The following PRIM2 variants were observed in gnomAD, a reference collection of about 807,000 sequenced individuals.
PRIM2 encodes the protein DNA primase subunit 2, also known as DNA primase large subunit.
In PRIM2, 39 loss-of-function variants were observed where a neutral mutation model predicts 67.3. The observed-to-expected ratio is 0.58, with a 90% CI of 0.45 to 0.76. The LOEUF is 0.76. Among genes scored for constraint, PRIM2 ranks in the 30% least tolerant of loss-of-function variants. The probability of loss-of-function intolerance (pLI) is 0.00; values close to 1 mark genes in which losing one functional copy is unlikely to be tolerated. For synonymous variants in PRIM2, 143 were observed against 198.7 expected, an observed-to-expected ratio of 0.72 and a Z score of 2.36; for missense variants, 398 against 598.7, an observed-to-expected ratio of 0.66 and a Z score of 3.50.
intron 10 of PRIM2, among the ~76,000 whole-genome samples, chr6:57,551,865 G>T (rs1480340935): frequency 9.9e-5 from 15 of 152,152 alleles, no homozygotes; most frequent in African/African-American, 3.6e-4. Context: ...ACAAAAACAT[G>T]ATGTTTTGCC....
chr6:57,304,119 T>G, the PRIM2 span, among the ~76,000 whole-genome samples: 1 of 152,178 alleles, frequency 6.6e-6, no homozygotes. Flanking sequence ...CCAATCCCAT[T>G]GGGGTCACAT....
chr6:57,444,181 A>G (rs1772290939), intron 7 of PRIM2, among the ~76,000 whole-genome samples: 1 of 152,136 alleles, frequency 6.6e-6, no homozygotes, highest in African/African-American at 2.4e-5. Context: ...CAAAGTATAT[A>G]TGTTGGTGGC....
At chr6:57,296,064 A>G in the PRIM2 span, among the ~76,000 whole-genome samples, 7 of 152,318 alleles carry the variant, frequency 4.6e-5, no homozygotes, top group East Asian at 1.4e-3. Flanking sequence ...CTGAAATGGA[A>G]TACTAACTAT....
the PRIM2 span, among the ~76,000 whole-genome samples, chr6:57,296,154 A>G: frequency 1.3e-5 from 2 of 152,194 alleles, no homozygotes; most frequent in Admixed American, 1.3e-4. Context: ...AAATCTCAAT[A>G]ACTCTGGAAA....
At chr6:57,645,312 C>G (rs1777314855) in intron 13 of PRIM2, among the ~76,000 whole-genome samples, 1 of 139,108 alleles carries the variant, frequency 7.2e-6, no homozygotes, top group South Asian at 2.3e-4. Context: ...CACTAACATA[C>G]AATGTCATTC....
chr6:57,385,299 TCTACTCATTCTTCCCCTTCCAAACATA>T (rs1325459410), intron 7 of PRIM2, among the ~76,000 whole-genome samples: 1 of 152,222 alleles, frequency 6.6e-6, no homozygotes, highest in Non-Finnish European at 1.5e-5. Context: ...TTCACTTCTT[TCTACTCATTCTTCCCCTTCCAAACATA>T]CTTTTTAAAA....
intron 10 of PRIM2, among the ~76,000 whole-genome samples, chr6:57,583,690 C>A (rs1776139633): frequency 6.6e-6 from 1 of 152,124 alleles, no homozygotes; most frequent in Non-Finnish European, 1.5e-5. Flanking sequence ...GGTATATACC[C>A]AGTAATGGGA....
chr6:57,615,975 AT>A (rs1208773584), intron 12 of PRIM2, among the ~76,000 whole-genome samples: 1 of 152,222 alleles, frequency 6.6e-6, no homozygotes, highest in Non-Finnish European at 1.5e-5. Context: ...CATATCTTTA[AT>A]TCTCACAGAG....
the PRIM2 span, among the ~76,000 whole-genome samples, chr6:57,273,352 C>T: frequency 6.6e-6 from 1 of 152,116 alleles, no homozygotes; most frequent in Non-Finnish European, 1.5e-5. Flanking sequence ...CTCTAAACTT[C>T]TCTTCTCACT....
intron 8 of PRIM2, among the ~76,000 whole-genome samples, chr6:57,514,189 A>T (rs2127461827): frequency 6.6e-6 from 1 of 152,336 alleles, no homozygotes; most frequent in Admixed American, 6.5e-5. Flanking sequence ...TAATATGCAC[A>T]CATTTCTACT....
chr6:57,639,137 C>G (rs1203577399), intron 13 of PRIM2, among the ~76,000 whole-genome samples: 1 of 152,206 alleles, frequency 6.6e-6, no homozygotes, highest in Non-Finnish European at 1.5e-5. Flanking sequence ...ACTGAACAGT[C>G]TGCTCCTGAA....
intron 8 of PRIM2, among the ~76,000 whole-genome samples, chr6:57,524,028 A>T (rs1409393247): frequency 6.6e-6 from 1 of 151,964 alleles, no homozygotes; most frequent in African/African-American, 2.4e-5. Context: ...CGTTTGTGAG[A>T]CAGTATTTGG....
At chr6:57,534,363 G>T (rs1360633989) in intron 9 of PRIM2, among the ~76,000 whole-genome samples, 6 of 152,212 alleles carry the variant, frequency 3.9e-5, no homozygotes, top group African/African-American at 1.4e-4. Flanking sequence ...ATGGTCTTGT[G>T]TACTGGCGCT....
At chr6:57,528,785 C>G (rs1774820434) in intron 8 of PRIM2, among the ~76,000 whole-genome samples, 2 of 152,194 alleles carry the variant, frequency 1.3e-5, no homozygotes, top group Non-Finnish European at 2.9e-5. Flanking sequence ...GCTGTTGTCT[C>G]TCTTACAATC....
At chr6:57,284,939 A>G in the PRIM2 span, among the ~76,000 whole-genome samples, 18 of 152,198 alleles carry the variant, frequency 1.2e-4, no homozygotes, top group African/African-American at 4.1e-4. Context: ...GATAAAGGGG[A>G]TATCACCACT....
chr6:57,438,070 T>TA (rs5876565), intron 7 of PRIM2, among the ~76,000 whole-genome samples: 1 of 151,918 alleles, frequency 6.6e-6, no homozygotes, highest in African/African-American at 2.4e-5. Flanking sequence ...AATTATGGTT[T>TA]AAAAAAATCA....
chr6:57,631,777 A>G (rs1164884393), intron 12 of PRIM2, among the ~76,000 whole-genome samples: 15 of 152,246 alleles, frequency 9.9e-5, no homozygotes, highest in Non-Finnish European at 1.5e-4. Context: ...CTAGATTTCT[A>G]TCTACAGTTT....
chr6:57,463,691 A>G (rs1296491616), intron 7 of PRIM2, among the ~76,000 whole-genome samples: 1 of 152,170 alleles, frequency 6.6e-6, no homozygotes, highest in African/African-American at 2.4e-5. Context: ...TCTTTACATT[A>G]GGGCACTGAA....
At chr6:57,366,680 T>C (rs1769373263) in intron 5 of PRIM2, among the ~76,000 whole-genome samples, 1 of 152,080 alleles carries the variant, frequency 6.6e-6, no homozygotes, top group Non-Finnish European at 1.5e-5. Context: ...TGTTCCAGTT[T>C]TAGTACTGGA....
Sources: allele counts gnomAD v4.1 joint callset (sites outside exome capture counted in the v4.1 genomes callset), GRCh38; gene constraint gnomAD v4.1.1; transcripts MANE v1.5; gene names NCBI Gene and HGNC (gene_info 2026-07-23, HGNC 2026-07-21).